CNTN1: variants seen among roughly 807,000 people sequenced by gnomAD.
The protein encoded by CNTN1 is contactin 1.
In CNTN1, 38 loss-of-function variants were observed where a neutral mutation model predicts 126.4. That is an observed-to-expected ratio of 0.30 (90% CI 0.23 to 0.39). The LOEUF is 0.39. Among genes scored for constraint, CNTN1 ranks in the 10% least tolerant of loss-of-function variants. The pLI is 1.00. For synonymous variants in CNTN1, 413 were observed against 422.6 expected (o/e 0.98, Z 0.28); for missense variants, 1,009 against 1,248.4 (o/e 0.81, Z 2.89).
At chr12:40,868,473 G>A (rs558137231) in intron 1 of CNTN1, among the ~76,000 whole-genome samples, 2 of 152,156 alleles carry the variant, frequency 1.3e-5, no homozygotes, top group African/African-American at 2.4e-5. Context: ...AGGAACAGTC[G>A]CTATAATAAT....
chr12:40,902,135 C>A (rs73124589), intron 1 of CNTN1, among the ~76,000 whole-genome samples: 1,948 of 152,246 alleles, frequency 0.013, 23 homozygotes, highest in South Asian at 0.026. Context: ...CAGAAAATTT[C>A]ATGTATTCGT....
At chr12:40,785,368 C>T (rs1016774558) in intron 1 of CNTN1, among the ~76,000 whole-genome samples, 4 of 151,922 alleles carry the variant, frequency 2.6e-5, no homozygotes, top group Admixed American at 1.3e-4. Context: ...AGGCACGTCA[C>T]GTGGCAAGGA....
In CNTN1 at chr12:40,879,563, T is replaced by A. The variant is rs527596242; in HGVS notation, c.-76-28794T>A. Among the ~76,000 whole-genome samples, 21 of 151,980 alleles carry A rather than the reference T, an allele frequency of 1.4e-4. No individual in the cohort carries two copies. In the South Asian group the frequency reaches 2.9e-3, roughly 21 times the overall value. Reference sequence around the variant, plus strand: ...GGGATTAGGAATGAGAAAAAGAAAATTAAGAAAGGAGTGAGACAAAAATCA... The same window carrying A: ...GGGATTAGGAATGAGAAAAAGAAAAATAAGAAAGGAGTGAGACAAAAATCA... On this transcript the variant is annotated intron_variant, in intron 1 of 23. Transcript: ENST00000551295.
At chr12:40,976,840 C>A (rs1170798476) in intron 15 of CNTN1, among the ~76,000 whole-genome samples, 3 of 152,096 alleles carry the variant, frequency 2.0e-5, no homozygotes, top group Non-Finnish European at 4.4e-5. Flanking sequence ...CTATTTTTTG[C>A]CACAAACTGA....
chr12:40,929,713 ATAGCTTGTTAC>A, intron 6 of CNTN1, 72 bp from the exon 7 acceptor site: 1 of 1,011,092 alleles, frequency 9.9e-7, no homozygotes, highest in African/African-American at 1.6e-5. Flanking sequence ...AGATTAAGTG[ATAGCTTGTTAC>A]TAGCCTCTAT....
chr12:40,936,499 A>T (rs921933073), intron 9 of CNTN1, among the ~76,000 whole-genome samples: 2 of 152,166 alleles, frequency 1.3e-5, no homozygotes, highest in East Asian at 1.9e-4. Context: ...GAGCAGAAAA[A>T]AATCAGTTAT....
At chr12:40,905,102 G>T (rs1944761594) in intron 1 of CNTN1, among the ~76,000 whole-genome samples, 1 of 152,212 alleles carries the variant, frequency 6.6e-6, no homozygotes, top group African/African-American at 2.4e-5. Context: ...GCAAGATATG[G>T]CTAACTTTCC....
intron 1 of CNTN1, among the ~76,000 whole-genome samples, chr12:40,794,981 A>G (rs748078496): frequency 1.3e-5 from 2 of 152,174 alleles, no homozygotes; most frequent in Non-Finnish European, 2.9e-5. Context: ...TAATTTAGGT[A>G]TTGTTATTAT....
At chr12:40,996,751 C>T (rs1468311704) in intron 17 of CNTN1, among the ~76,000 whole-genome samples, 1 of 152,120 alleles carries the variant, frequency 6.6e-6, no homozygotes, top group Non-Finnish European at 1.5e-5. Context: ...TAAAATTCTA[C>T]AGAATTTCTC....
intron 7 of CNTN1, among the ~76,000 whole-genome samples, chr12:40,932,326 A>G (rs1205254207): frequency 6.6e-6 from 1 of 151,918 alleles, no homozygotes; most frequent in Non-Finnish European, 1.5e-5. Flanking sequence ...TCCCCTGCAC[A>G]TGCTGTCTCT....
At chr12:40,848,507 A>T (rs977030696) in intron 1 of CNTN1, among the ~76,000 whole-genome samples, 20 of 152,226 alleles carry the variant, frequency 1.3e-4, no homozygotes, top group African/African-American at 4.8e-4. Flanking sequence ...ATGAGTTAGC[A>T]TCTAGCCCCT....
chr12:40,821,584 G>T (rs991235385), intron 1 of CNTN1, among the ~76,000 whole-genome samples: 2 of 152,106 alleles, frequency 1.3e-5, no homozygotes, highest in Admixed American at 1.3e-4. Flanking sequence ...AAATGATTTG[G>T]TATATGGATA....
chr12:40,902,579 A>AT (rs1944647107), intron 1 of CNTN1, among the ~76,000 whole-genome samples: 1 of 151,834 alleles, frequency 6.6e-6, no homozygotes, highest in Admixed American at 6.6e-5. Context: ...TGTGCCAAAA[A>AT]ATTTTTTTTG....
At chr12:40,813,457 T>C (rs114878284) in intron 1 of CNTN1, among the ~76,000 whole-genome samples, 3,455 of 152,198 alleles carry the variant, frequency 0.023, 125 homozygotes, top group African/African-American at 0.077. Flanking sequence ...TAGTTTTCTG[T>C]TCCTGGGTTA....
intron 1 of CNTN1, among the ~76,000 whole-genome samples, chr12:40,732,991 C>A (rs1942537213): frequency 6.6e-6 from 1 of 151,854 alleles, no homozygotes; most frequent in African/African-American, 2.4e-5. Flanking sequence ...AAAATTTATT[C>A]TTGTAGTCAC....
At chr12:40,998,346 C>T (rs1456463867) in intron 17 of CNTN1, among the ~76,000 whole-genome samples, 10 of 152,042 alleles carry the variant, frequency 6.6e-5, no homozygotes, top group Non-Finnish European at 1.5e-4. Flanking sequence ...ACATTTTCCC[C>T]AACTGACTTA....
At chr12:40,897,565 T>C (rs1944453361) in intron 1 of CNTN1, among the ~76,000 whole-genome samples, 1 of 152,212 alleles carries the variant, frequency 6.6e-6, no homozygotes, top group Non-Finnish European at 1.5e-5. Context: ...CCAGTTTTTG[T>C]ATAATATACA....
intron 1 of CNTN1, among the ~76,000 whole-genome samples, chr12:40,832,138 AC>A (rs1941864811): frequency 6.6e-6 from 1 of 152,166 alleles, no homozygotes; most frequent in African/African-American, 2.4e-5. Context: ...GGCAGTGAAC[AC>A]CCACAGACAT....
chr12:40,871,086 A>T (rs1008251549), intron 1 of CNTN1, among the ~76,000 whole-genome samples: 1 of 151,674 alleles, frequency 6.6e-6, no homozygotes, highest in Non-Finnish European at 1.5e-5. Context: ...AATAATCCTA[A>T]CTAATATTTC....
Sources: allele counts gnomAD v4.1 joint callset (sites outside exome capture counted in the v4.1 genomes callset), GRCh38; gene constraint gnomAD v4.1.1; transcripts MANE v1.5; gene names NCBI Gene and HGNC (gene_info 2026-07-23, HGNC 2026-07-21).